Variants in KANK4 observed in about 807,000 individuals in gnomAD.
KANK4 encodes KN motif and ankyrin repeat domain-containing protein 4.
In KANK4, 50 loss-of-function variants were observed where a neutral mutation model predicts 80.8. That is an observed-to-expected ratio of 0.62 (90% confidence interval 0.49 to 0.78). The LOEUF (loss-of-function observed/expected upper bound fraction) is 0.78, where lower values mean the gene tolerates loss of function less well. Among genes scored for constraint, KANK4 ranks in the 30% least tolerant of loss-of-function variants. The pLI, the probability that KANK4 is intolerant of heterozygous loss-of-function variation, is 0.00. For synonymous variants in KANK4, 465 were observed against 506.9 expected (o/e 0.92, Z 1.11); for missense variants, 1,196 against 1,240.1 (o/e 0.96, Z 0.53).
At chr1:62,247,769 A>G (rs1671507258) in intron 8 of KANK4, 97 bp from the exon 9 acceptor site, 1 of 946,990 alleles carries the variant, frequency 1.1e-6, no homozygotes, top group South Asian at 1.4e-5. Context: ...TCTCAATACC[A>G]CAACCACTGA....
At chr1:62,278,777 A>G (rs1672382605) in intron 2 of KANK4, among the ~76,000 whole-genome samples, 1 of 152,006 alleles carries the variant, frequency 6.6e-6, no homozygotes, top group East Asian at 1.9e-4. Flanking sequence ...ATTTTAGTAA[A>G]TGAGAGCAAT....
intron 1 of KANK4, among the ~76,000 whole-genome samples, chr1:62,282,377 C>A (rs1444624905): frequency 6.6e-6 from 1 of 152,120 alleles, no homozygotes; most frequent in Non-Finnish European, 1.5e-5. Context: ...CAATGAATCA[C>A]CCAGGAAATT....
chr1:62,260,058 C>T (rs1396692602), intron 7 of KANK4, among the ~76,000 whole-genome samples: 4 of 152,096 alleles, frequency 2.6e-5, no homozygotes, highest in African/African-American at 4.8e-5. Context: ...CTGAGGAGAT[C>T]GAGGCCATCT....
chr1:62,281,011 A>G (rs1406050764), intron 2 of KANK4, among the ~76,000 whole-genome samples: 1 of 152,154 alleles, frequency 6.6e-6, no homozygotes, highest in Non-Finnish European at 1.5e-5. Context: ...CACCATGTGA[A>G]CAAGCCCTAG....
Position 62,237,923 on chromosome 1 carries a change from A to G in KANK4, c.*354T>C, listed in dbSNP as rs372144716. ...TCCATGTAAAAAGTATTGCTTTTCT[A>G]ATGTGCTAATGTGCTCCTGCCTGCC... On this transcript the variant is annotated 3_prime_UTR_variant, in exon 10 of 10. Transcript: ENST00000371153. The G allele has an allele frequency of 1.0e-4, 19 of 187,488 alleles. No homozygotes were observed. Among genetic ancestry groups the G allele is most frequent in the African/African-American group, 4.4e-4 (19 of 43,100 alleles). 11.6% of individuals were successfully genotyped at this position (187,488 alleles called of 1,614,324 possible). A position where few individuals can be genotyped will look rare whatever the true frequency, so the allele number is the denominator to read the frequency against.
chr1:62,247,551 A>G lies in KANK4; in HGVS notation c.2804T>C (p.Val935Ala). ...GTCCACGTTGCCATGGTGACAGGCC[A>G]CCATGAGGGCCGAGGATCCATCGTG... ...QDHDGSSALM[V>A]ACHHGNVDLV... is the part of the protein sequence containing the mutation. Residue 935 changes from valine (V) to alanine (A), a missense_variant, in exon 9 of 10, where the codon GTG (valine) becomes GCG (alanine). Val to Ala is a moderately conservative substitution (Grantham distance 64). Transcript: ENST00000371153. 2 of 1,614,072 alleles carry G rather than the reference A, an allele frequency of 1.2e-6. No homozygotes were observed. Among genetic ancestry groups the G allele is most frequent in the Non-Finnish European group, 8.5e-7 (1 of 1,180,016 alleles).
chr1:62,268,622 C>T (rs889639440), intron 4 of KANK4, 117 bp from the exon 5 acceptor site: 10 of 774,370 alleles, frequency 1.3e-5, no homozygotes, highest in Middle Eastern at 2.6e-4. Flanking sequence ...TCTCCTCCCC[C>T]ACTCTCTACA....
chr1:62,256,076 C>T (rs1671745361), intron 7 of KANK4, among the ~76,000 whole-genome samples: 1 of 152,184 alleles, frequency 6.6e-6, no homozygotes, highest in East Asian at 1.9e-4. Context: ...TTATTTTTAG[C>T]TCATCGGCTA....
At chr1:62,265,131 G>A (rs1322802732) in intron 6 of KANK4, among the ~76,000 whole-genome samples, 4 of 151,608 alleles carry the variant, frequency 2.6e-5, no homozygotes, top group Non-Finnish European at 5.9e-5. Context: ...GCGACCGGTC[G>A]AGTGGTGGAT....
intron 7 of KANK4, among the ~76,000 whole-genome samples, chr1:62,262,039 C>T (rs934019445): frequency 7.9e-5 from 12 of 152,176 alleles, no homozygotes; most frequent in African/African-American, 2.9e-4. Flanking sequence ...CTGGTAGTAG[C>T]CAGTATGGAC....
At chr1:62,247,251 C>T (rs937541080) in intron 9 of KANK4, among the ~76,000 whole-genome samples, 1 of 151,858 alleles carries the variant, frequency 6.6e-6, no homozygotes, top group African/African-American at 2.4e-5. Context: ...CATAGGATTC[C>T]TTGAATTCTG....
At position 62,274,906 on chromosome 1, in the gene KANK4, A is replaced by G; in HGVS notation, c.198T>C (p.Phe66=). The change falls in exon 3 of 10, where the codon TTT becomes TTC. Residue 66 remains phenylalanine (F), a synonymous_variant. Coordinates refer to ENST00000371153, the MANE Select transcript of KANK4 (RefSeq NM_181712.5). ...PIHRRAKQAK[F]STLPRNFSLP... The stretch of plus-strand genomic sequence containing the variant: ...GGCTGAAGTTTCGGGGCAGAGTGCT[A>G]AATTTGGCCTGCTTGGCCCTTCTGT... 2 of 1,614,150 alleles carry G rather than the reference A, an allele frequency of 1.2e-6. No individual in the cohort carries two copies. The highest frequency in any genetic ancestry group is 1.1e-5 in the South Asian group (1 of 91,084).
chr1:62,255,897 A>G (rs1671741408), intron 7 of KANK4, among the ~76,000 whole-genome samples: 3 of 152,178 alleles, frequency 2.0e-5, no homozygotes, highest in Middle Eastern at 6.8e-3. Flanking sequence ...CCATCCATCC[A>G]CTTTGGCCTC....
At chr1:62,258,782 G>A (rs1217159989) in intron 7 of KANK4, among the ~76,000 whole-genome samples, 2 of 152,206 alleles carry the variant, frequency 1.3e-5, no homozygotes, top group East Asian at 1.9e-4. Context: ...AAGAAAGAGG[G>A]TTCTCCCCTA....
chr1:62,238,476 AC>A (rs1265267384), intron 9 of KANK4, 95 bp from the exon 10 acceptor site: 1 of 993,506 alleles, frequency 1.0e-6, no homozygotes, highest in Non-Finnish European at 1.6e-6. Context: ...TATGCCTGGG[AC>A]ACAGGTGTCT....
chr1:62,289,156 G>C (rs1672629933), intron 1 of KANK4, among the ~76,000 whole-genome samples: 1 of 152,148 alleles, frequency 6.6e-6, no homozygotes, highest in South Asian at 2.1e-4. Context: ...AAGTGGAAAA[G>C]ACGGATGAGG....
intron 1 of KANK4, among the ~76,000 whole-genome samples, chr1:62,313,764 C>A (rs1003784985): frequency 1.3e-5 from 2 of 152,084 alleles, no homozygotes; most frequent in Non-Finnish European, 2.9e-5. Flanking sequence ...GGCTTAAAAC[C>A]TAGATGACGG....
In KANK4 at chr1:62,236,353, C is replaced by T. The variant is rs569566567; in HGVS notation, c.*1924G>A. 3.1e-4 allele frequency among the ~76,000 whole-genome samples: 47 copies of T among 152,226 alleles called. No homozygotes were observed. The highest frequency in any genetic ancestry group is 9.4e-4 in the African/African-American group (39 of 41,532). ...TGATTTGTATGCACATAAATGTTCG[C>T]GAAGCACCGGGCTAGAACATTTATT... On this transcript the variant is annotated 3_prime_UTR_variant, in exon 10 of 10. Transcript: ENST00000371153.
At chr1:62,308,462 T>G (rs1200006700) in intron 1 of KANK4, among the ~76,000 whole-genome samples, 1 of 152,006 alleles carries the variant, frequency 6.6e-6, no homozygotes, top group Non-Finnish European at 1.5e-5. Flanking sequence ...CCCCTACCCC[T>G]CCTCACTCAC....
Sources: gnomAD v4.1 joint callset for allele counts (sites outside exome capture counted in the v4.1 genomes callset) on GRCh38, gnomAD v4.1.1 for gene constraint, MANE v1.5 for transcripts, NCBI Gene and HGNC (gene_info 2026-07-23, HGNC 2026-07-21) for gene names.